The following BPTF variants were observed in gnomAD, a reference collection of about 807,000 sequenced individuals.
BPTF encodes the protein nucleosome-remodeling factor subunit BPTF.
In BPTF, 18 loss-of-function variants were observed where a neutral mutation model predicts 292.5. The ratio of observed to expected loss-of-function variants is 0.06; its 90% confidence interval spans 0.04 to 0.09. The LOEUF (loss-of-function observed/expected upper bound fraction) is 0.09. Among genes scored for constraint, BPTF ranks in the 10% least tolerant of loss-of-function variants. The probability of loss-of-function intolerance (pLI) is 1.00; values close to 1 mark genes in which losing one functional copy is unlikely to be tolerated. For synonymous variants in BPTF, 1,225 were observed against 1,251.9 expected (o/e 0.98, Z 0.45); for missense variants, 2,726 against 3,498.7 (o/e 0.78, Z 5.57).
At position 67,911,880 on chromosome 17, in the gene BPTF, A is replaced by G; in HGVS notation, c.3996A>G (p.Leu1332=). 2.5e-6 allele frequency: 4 copies of G among 1,614,108 alleles called. No homozygotes were observed. Among genetic ancestry groups the G allele is most frequent in the Non-Finnish European group, 3.4e-6 (4 of 1,180,004 alleles). Residue 1332 remains leucine, a synonymous_variant, in exon 11 of 28, where the codon TTA becomes TTG. Coordinates refer to ENST00000306378, the MANE Select transcript of BPTF (RefSeq NM_182641.4). ...AAGATGTTGAAGTCTTGGAGCCGTT[A>G]AAGTGTGAGTTGGTTTCTGGTGAGT... ...REQDVEVLEP[L]KCELVSGEST... is the part of the protein sequence containing the mutation.
chr17:67,948,311 G>A lies in BPTF; in HGVS notation c.7926+5G>A. On this transcript the variant is annotated splice_donor_5th_base_variant and intron_variant, in intron 23 of 27. Transcript: ENST00000306378. ...GATCTGCAAATTGAAGTGCAGGTAA[G>A]AGGGCACATCCTTTTCTTCTGTGTC... The A allele has an allele frequency of 6.2e-7, 1 of 1,607,954 alleles. No homozygotes were observed. Among genetic ancestry groups the A allele is most frequent in the Non-Finnish European group, 8.5e-7 (1 of 1,176,814 alleles).
chr17:67,946,522 T>G (rs1555675601), intron 21 of BPTF, among the ~76,000 whole-genome samples, 197 bp downstream of exon 21: 3 of 152,216 alleles, frequency 2.0e-5, no homozygotes, highest in Non-Finnish European at 2.9e-5. Flanking sequence ...ATACATATAA[T>G]ATATAGTCAG....
In BPTF at chr17:67,904,692, T is replaced by C; in HGVS notation, c.2674-10T>C. ...TTATTGTTTAATCAAAATGTTTTCA[T>C]TTACACCAGGTTTGGAAACAAAAAG... is the stretch of plus-strand genomic sequence containing the variant. On this transcript the variant is annotated splice_polypyrimidine_tract_variant and intron_variant, in intron 8 of 27. Coordinates refer to ENST00000306378, the MANE Select transcript of BPTF (RefSeq NM_182641.4). 1 of 1,589,902 alleles carries C rather than the reference T, an allele frequency of 6.3e-7. No individual in the cohort carries two copies. Among genetic ancestry groups the C allele is most frequent in the Non-Finnish European group, 8.6e-7 (1 of 1,165,770 alleles).
At chr17:67,980,629 A>G (rs2070226958) in intron 27 of BPTF, among the ~76,000 whole-genome samples, 1 of 152,194 alleles carries the variant, frequency 6.6e-6, no homozygotes, top group Non-Finnish European at 1.5e-5. Context: ...GACTGCTGGC[A>G]ACTGCTGATG....
At chr17:67,955,322 T>G (rs192478666) in intron 23 of BPTF, 1 of 150,260 alleles carries the variant, frequency 6.7e-6, no homozygotes, top group Non-Finnish European at 1.5e-5. Context: ...GAGGTACTCA[T>G]GTAATGATTG....
At chr17:67,968,329 T>C (rs12950044) in intron 26 of BPTF, among the ~76,000 whole-genome samples, 135,385 of 151,200 alleles carry the variant, frequency 0.9, 63,097 homozygotes, top group East Asian at 1. Flanking sequence ...GTAGTTATTA[T>C]CTCTGTTCTC....
At chr17:67,877,659 C>G (rs2060132392) in intron 4 of BPTF, among the ~76,000 whole-genome samples, 1 of 152,218 alleles carries the variant, frequency 6.6e-6, no homozygotes, top group South Asian at 2.1e-4. Context: ...CACTCTTTCA[C>G]CCAGGCTGGA....
intron 15 of BPTF, 34 bp downstream of exon 15, chr17:67,924,623 G>GC (rs1295877626): frequency 1.9e-6 from 3 of 1,599,868 alleles, no homozygotes; most frequent in Non-Finnish European, 8.5e-7. Context: ...GGACATCAAG[G>GC]CCCAAATGGA....
At chr17:67,870,244 A>G (rs1598348550) in intron 3 of BPTF, among the ~76,000 whole-genome samples, 1 of 142,522 alleles carries the variant, frequency 7.0e-6, no homozygotes, top group East Asian at 2.0e-4. Flanking sequence ...TGACATAAAT[A>G]TTTTTTTCTT....
chr17:67,917,121 T>C (rs1473244048), intron 11 of BPTF, among the ~76,000 whole-genome samples: 1 of 144,734 alleles, frequency 6.9e-6, no homozygotes, highest in East Asian at 2.0e-4. Flanking sequence ...GTAACTAATA[T>C]GGTATTGTCC....
intron 26 of BPTF, among the ~76,000 whole-genome samples, chr17:67,971,255 T>G (rs1365132713): frequency 1.3e-5 from 2 of 152,122 alleles, no homozygotes; most frequent in African/African-American, 4.8e-5. Context: ...ATTTTTGTAT[T>G]TTTGGTAGAA....
intron 4 of BPTF, chr17:67,875,456 A>G (rs1356886224): frequency 1.2e-6 from 1 of 853,346 alleles, no homozygotes; most frequent in Non-Finnish European, 1.7e-6. Flanking sequence ...CAATGGAAGC[A>G]GGTTTTTTGT....
intron 6 of BPTF, 55 bp downstream of exon 6, chr17:67,893,780 T>G: frequency 2.2e-6 from 3 of 1,367,758 alleles, no homozygotes; most frequent in Non-Finnish European, 3.0e-6. Context: ...GTTTATAAAA[T>G]GATTGTTGTA....
At chr17:67,981,506 T>C in intron 27 of BPTF, 1 of 1,171,586 alleles carries the variant, frequency 8.5e-7, no homozygotes, top group Non-Finnish European at 1.1e-6. Flanking sequence ...TTTGTTTTAT[T>C]GTACCTCGTG....
At chr17:67,916,586 G>A (rs186338509) in intron 11 of BPTF, among the ~76,000 whole-genome samples, 38 of 151,142 alleles carry the variant, frequency 2.5e-4, no homozygotes, top group African/African-American at 6.3e-4. Flanking sequence ...GCAAAACTCC[G>A]TCTCAAAAAA....
At chr17:67,938,965 C>T (rs186960690) in intron 18 of BPTF, among the ~76,000 whole-genome samples, 5 of 152,256 alleles carry the variant, frequency 3.3e-5, no homozygotes, top group Admixed American at 3.3e-4. Flanking sequence ...ATACATGATA[C>T]TATTTGCAGT....
At chr17:67,954,035 G>T (rs1274647106) in intron 23 of BPTF, among the ~76,000 whole-genome samples, 1 of 116,226 alleles carries the variant, frequency 8.6e-6, no homozygotes, top group Non-Finnish European at 1.6e-5. Flanking sequence ...TGCCCAGGCG[G>T]GAGTGCAGCG....
Position 67,964,412 on chromosome 17 carries a change from C to A in BPTF, c.8454+8C>A. On this transcript the variant is annotated splice_region_variant and intron_variant, in intron 25 of 27. Coordinates refer to ENST00000306378, the MANE Select transcript of BPTF (RefSeq NM_182641.4). ...GTGCTCCGTTCCTTACAGGTGAGAC[C>A]CCTCTGTGTGCAGCATTTCAAAATG... 1.3e-6 allele frequency: 2 copies of A among 1,597,342 alleles called. No homozygotes were observed. The highest frequency in any genetic ancestry group is 1.7e-6 in the Non-Finnish European group (2 of 1,167,524).
chr17:67,966,868 G>A (rs1359638947), intron 26 of BPTF, among the ~76,000 whole-genome samples: 13 of 152,120 alleles, frequency 8.5e-5, no homozygotes, highest in East Asian at 7.8e-4. Context: ...TTGGGAGGCC[G>A]AGACAGGCGG....
Sources: allele counts gnomAD v4.1 joint callset (sites outside exome capture counted in the v4.1 genomes callset), GRCh38; gene constraint gnomAD v4.1.1; transcripts MANE v1.5; gene names NCBI Gene and HGNC (gene_info 2026-07-23, HGNC 2026-07-21).